Variants in BCAS4 observed in about 807,000 individuals in gnomAD.
BCAS4 encodes breast carcinoma-amplified sequence 4.
Under a neutral mutation model 15.7 loss-of-function variants are expected in BCAS4, and 9 were observed. The ratio of observed to expected loss-of-function variants is 0.57; its 90% CI spans 0.34 to 1.00. BCAS4 has a LOEUF of 1.00. Among genes scored for constraint, BCAS4 ranks in the 50% least tolerant of loss-of-function variants. The pLI is 0.02. For missense variants in BCAS4, 225 were observed against 239.1 expected (o/e 0.94, Z 0.39); for synonymous variants, 101 against 99.5 (o/e 1.02, Z -0.09).
At chr20:50,806,862 C>CTTTTTTTTT (rs34670373) in intron 1 of BCAS4, among the ~76,000 whole-genome samples, 1 of 83,356 alleles carries the variant, frequency 1.2e-5, no homozygotes. Context: ...TCCATTTATA[C>CTTTTTTTTT]TTTTTTTTTT....
intron 1 of BCAS4, among the ~76,000 whole-genome samples, chr20:50,814,925 T>C (rs1446697327): frequency 6.6e-6 from 1 of 151,990 alleles, no homozygotes; most frequent in African/African-American, 2.4e-5. Flanking sequence ...CTGGGCAACA[T>C]AGTGAGACCC....
chr20:50,861,195 G>A (rs567035347), intron 4 of BCAS4, among the ~76,000 whole-genome samples: 17 of 152,300 alleles, frequency 1.1e-4, no homozygotes, highest in African/African-American at 4.1e-4. Flanking sequence ...TGGATTAGGC[G>A]TCTCCTGTGC....
At chr20:50,840,503 T>C (rs775686611) in intron 3 of BCAS4, 1 of 1,280,610 alleles carries the variant, frequency 7.8e-7, no homozygotes, top group Non-Finnish European at 1.1e-6. Context: ...AGCACAGTCA[T>C]TTAAACTTGA....
chr20:50,882,388 C>T, the BCAS4 span: 3 of 152,134 alleles, frequency 2.0e-5, no homozygotes, highest in Non-Finnish European at 2.9e-5. Flanking sequence ...TGATGGAATA[C>T]TATAATGTTG....
intron 4 of BCAS4, among the ~76,000 whole-genome samples, chr20:50,874,175 T>C (rs1425110924): frequency 6.6e-6 from 1 of 152,148 alleles, no homozygotes. Flanking sequence ...GCAAAGGCCC[T>C]CAGTGCTCAT....
At chr20:50,858,314 A>C (rs1444692878) in intron 4 of BCAS4, among the ~76,000 whole-genome samples, 1 of 152,160 alleles carries the variant, frequency 6.6e-6, no homozygotes, top group African/African-American at 2.4e-5. Flanking sequence ...ATACAAAGTA[A>C]ATGCTGGACG....
intron 1 of BCAS4, 78 bp from the exon 2 acceptor site, chr20:50,818,131 TTA>T: frequency 9.5e-6 from 12 of 1,268,512 alleles, no homozygotes; most frequent in African/African-American, 1.7e-5. Context: ...TTAGTTTGCT[TTA>T]AAAAAAAAAA....
intron 4 of BCAS4, among the ~76,000 whole-genome samples, chr20:50,863,521 G>A (rs1979200748): frequency 6.6e-6 from 1 of 152,128 alleles, no homozygotes; most frequent in African/African-American, 2.4e-5. Flanking sequence ...GCCTCCTAAA[G>A]TGCTGGAATT....
intron 1 of BCAS4, among the ~76,000 whole-genome samples, chr20:50,814,240 A>G (rs774342260): frequency 1.3e-5 from 2 of 152,140 alleles, no homozygotes; most frequent in Non-Finnish European, 2.9e-5. Context: ...TGGGGGACTG[A>G]CCATAGCTGA....
At position 50,851,949 on chromosome 20, in the gene BCAS4, G is replaced by A. The variant is rs1340755600; in HGVS notation, c.399+10049G>A. Reference sequence around the variant, plus strand: ...CTCCTGTTGTTCCCCTAGCCTGAGAGCTGCTCAAGGGTGGGGCCTGTGTCT... The same window carrying A: ...CTCCTGTTGTTCCCCTAGCCTGAGAACTGCTCAAGGGTGGGGCCTGTGTCT... On this transcript the variant is annotated intron_variant, in intron 4 of 4. Coordinates refer to ENST00000371608, the MANE Select transcript of BCAS4 (RefSeq NM_198799.4). The surrounding 1 kb of genome is among the most constrained non-coding windows in gnomAD (Gnocchi z 4.3). Among the ~76,000 whole-genome samples, 2 of 152,248 alleles carry A rather than the reference G, an allele frequency of 1.3e-5. No homozygotes were observed. The highest frequency in any genetic ancestry group is 1.5e-5 in the Non-Finnish European group (1 of 68,048).
chr20:50,847,121 C>T (rs2088555478), intron 4 of BCAS4, among the ~76,000 whole-genome samples: 1 of 151,928 alleles, frequency 6.6e-6, no homozygotes, highest in Non-Finnish European at 1.5e-5. Context: ...GGAAGAGCGT[C>T]GGCCACCTGA....
chr20:50,866,019 G>A (rs1273171335), intron 4 of BCAS4, among the ~76,000 whole-genome samples: 1 of 152,128 alleles, frequency 6.6e-6, no homozygotes, highest in Non-Finnish European at 1.5e-5. Context: ...GGGGGCCGGC[G>A]GTAGTGGGGG....
intron 3 of BCAS4, among the ~76,000 whole-genome samples, chr20:50,834,661 C>A (rs970702599): frequency 6.6e-6 from 1 of 152,198 alleles, no homozygotes; most frequent in African/African-American, 2.4e-5. Flanking sequence ...ATAATAAGCA[C>A]TATCTCATTC....
chr20:50,875,177 CAGT>C (rs1448598521), intron 4 of BCAS4, among the ~76,000 whole-genome samples: 4 of 152,340 alleles, frequency 2.6e-5, no homozygotes, highest in African/African-American at 9.6e-5. Flanking sequence ...CCCCGGGCAT[CAGT>C]AGTTCATAAA....
chr20:50,878,473 A>G (rs1980044564), downstream of BCAS4: 2 of 151,374 alleles, frequency 1.3e-5, no homozygotes, highest in African/African-American at 4.9e-5. Context: ...CCCGGTCAGC[A>G]TTTTTTTATT....
Position 50,818,136 on chromosome 20 carries a change from A to G in BCAS4, c.91-75A>G, listed in dbSNP as rs528527592. 31 of 1,437,618 alleles carry G rather than the reference A, an allele frequency of 2.2e-5. No individual in the cohort carries two copies. The South Asian group carries it at 3.8e-4, about 18-fold the overall frequency. The allele number at this position is 1,437,618 out of a possible 1,614,324, so 89.1% of individuals were successfully genotyped here. ...ATCCTAAGACTTAGTTTGCTTTAAAAAAAAAAAAAAAATGAAGGGTGTTTG... is the reference window on the plus strand; with the variant it reads ...ATCCTAAGACTTAGTTTGCTTTAAAGAAAAAAAAAAAATGAAGGGTGTTTG... On this transcript the variant is annotated intron_variant, in intron 1 of 4. Coordinates refer to ENST00000371608, the MANE Select transcript of BCAS4 (RefSeq NM_198799.4).
intron 1 of BCAS4, among the ~76,000 whole-genome samples, chr20:50,805,038 G>A (rs1353395777): frequency 6.6e-6 from 1 of 152,110 alleles, no homozygotes; most frequent in Non-Finnish European, 1.5e-5. Flanking sequence ...ACCTTGCTAT[G>A]CTAAGATTCT....
At chr20:50,823,957 C>T (rs1006954712) in intron 2 of BCAS4, among the ~76,000 whole-genome samples, 4 of 152,038 alleles carry the variant, frequency 2.6e-5, no homozygotes, top group African/African-American at 4.8e-5. Context: ...AGTTAAAGAT[C>T]GTTGCTGAGC....
intron 4 of BCAS4, among the ~76,000 whole-genome samples, chr20:50,848,169 T>C (rs535720664): frequency 1.3e-5 from 2 of 152,058 alleles, no homozygotes; most frequent in Non-Finnish European, 2.9e-5. Context: ...GGTGGGAAGA[T>C]TGCTTGAGCC....
Sources: allele counts gnomAD v4.1 joint callset (sites outside exome capture counted in the v4.1 genomes callset), GRCh38; gene constraint gnomAD v4.1.1; non-coding constraint Gnocchi (gnomAD v3.1); transcripts MANE v1.5; gene names NCBI Gene and HGNC (gene_info 2026-07-23, HGNC 2026-07-21).